The following MADCAM1 variants were observed in gnomAD, a reference collection of about 807,000 sequenced individuals.
MADCAM1 encodes the protein mucosal addressin cell adhesion molecule 1.
MADCAM1 carries 19 observed loss-of-function variants against 26.1 expected under a neutral mutation model. That is an observed-to-expected ratio of 0.73 (90% CI 0.51 to 1.07). The LOEUF is 1.07. MADCAM1 is among the 50% of genes least tolerant of loss of function. MADCAM1 has a pLI of 0.00. For missense variants in MADCAM1, 514 were observed against 542.1 expected (o/e 0.95, Z 0.51); for synonymous variants, 268 against 260.9 (o/e 1.03, Z -0.26).
At chr19:500,692 AACCCCGTCCCCT>A in intron 3 of MADCAM1, among the ~76,000 whole-genome samples, 1 of 152,256 alleles carries the variant, frequency 6.6e-6, no homozygotes, top group South Asian at 2.1e-4. Context: ...AACATGGTGA[AACCCCGTCCCCT>A]ACTAAAAATA....
At chr19:504,511 G>C (rs1978514379) in intron 4 of MADCAM1, among the ~76,000 whole-genome samples, 2 of 152,132 alleles carry the variant, frequency 1.3e-5, no homozygotes, top group Non-Finnish European at 2.9e-5. Flanking sequence ...ACCCGCTTTG[G>C]CCTCCCGAAG....
At chr19:499,987 TG>T in intron 3 of MADCAM1, 1 of 351,346 alleles carries the variant, frequency 2.8e-6, no homozygotes, top group Non-Finnish European at 5.6e-6. Flanking sequence ...GGGAGGTCTT[TG>T]TGGTGGGGGT....
At position 501,903 on chromosome 19, in the gene MADCAM1, C is replaced by G; in HGVS notation, c.902C>G (p.Thr301Arg). The part of the protein sequence containing the change: ...RRPEISQAGP[T>R]QGEVIPTGSS... ...CCTGAGATCTCCCAGGCTGGGCCCA[C>G]GCAGGGAGAAGTGATCCCAACAGGC... Residue 301 changes from threonine to arginine, a missense_variant, in exon 4 of 5, where the codon ACG becomes AGG. This residue lies in a region of MADCAM1 where 152 missense variants were observed against 136.7 expected (regional missense o/e 1.11). Coordinates refer to ENST00000215637, the MANE Select transcript of MADCAM1 (RefSeq NM_130760.3). The G allele has an allele frequency of 2.6e-6, 4 of 1,543,220 alleles. No homozygotes were observed. Among genetic ancestry groups the G allele is most frequent in the South Asian group, 1.2e-5 (1 of 81,630 alleles).
intron 3 of MADCAM1, among the ~76,000 whole-genome samples, chr19:500,868 TCAA>T (rs763101833): frequency 5.3e-4 from 80 of 151,516 alleles, no homozygotes; most frequent in Non-Finnish European, 9.7e-4. Flanking sequence ...AGACTCCATC[TCAA>T]CAACAACAAC....
chr19:498,440 C>A, intron 2 of MADCAM1, 56 bp from the exon 3 acceptor site: 1 of 1,415,622 alleles, frequency 7.1e-7, no homozygotes, highest in Non-Finnish European at 9.2e-7. Flanking sequence ...CCGGCCCCTC[C>A]ATCACGTCCA....
At chr19:496,973 C>T (rs1432956536) in intron 1 of MADCAM1, among the ~76,000 whole-genome samples, 20 of 7,078 alleles carry the variant, frequency 2.8e-3, no homozygotes, top group African/African-American at 0.013. Flanking sequence ...GGGGAGGGGA[C>T]GCGGGAGAGA....
Position 501,909 on chromosome 19 carries a change from G to A in MADCAM1, c.908G>A (p.Gly303Glu), listed in dbSNP as rs377336483. The change falls in exon 4 of 5, where the codon GGA becomes GAA. Residue 303 changes from glycine to glutamate, a missense_variant. By Grantham distance (98) the Gly-to-Glu change is moderately conservative. This residue lies in a region of MADCAM1 where 152 missense variants were observed against 136.7 expected (regional missense o/e 1.11). Coordinates refer to ENST00000215637, the MANE Select transcript of MADCAM1 (RefSeq NM_130760.3). ...PEISQAGPTQGEVIPTGSSKP... is the reference protein window; with the variant it reads ...PEISQAGPTQEEVIPTGSSKP... ...ATCTCCCAGGCTGGGCCCACGCAGG[G>A]AGAAGTGATCCCAACAGGCTGTGAG... The A allele has an allele frequency of 2.0e-4, 282 of 1,429,470 alleles. 2 individuals carry two copies. The African/African-American group carries it at 3.2e-3, about 16-fold the overall frequency. 88.5% of individuals were successfully genotyped at this position (1,429,470 alleles called of 1,614,324 possible).
At position 504,746 on chromosome 19, in the gene MADCAM1, G is replaced by A. The variant is rs140417103; in HGVS notation, c.930G>A (p.Ser310=). The part of the protein sequence containing the change: ...PTQGEVIPTG[S]SKPAGDQLPA... ...GGGTCTCCTGCACTCTCTCCCCAGC[G>A]TCCAAACCTGCGGGTGACCAGCTGC... The change falls in exon 5 of 5, where the codon TCG becomes TCA. Residue 310 remains serine (S), a splice_region_variant and synonymous_variant. Coordinates refer to ENST00000215637, the MANE Select transcript of MADCAM1 (RefSeq NM_130760.3). 6.5e-4 allele frequency: 1,037 copies of A among 1,602,308 alleles called. 2 individuals carry two copies. The highest frequency in any genetic ancestry group is 1.8e-3 in the South Asian group (166 of 90,728).
intron 1 of MADCAM1, 111 bp from the exon 2 acceptor site, chr19:497,722 G>C (rs930821079): frequency 3.2e-6 from 3 of 930,172 alleles, no homozygotes; most frequent in Non-Finnish European, 4.2e-6. Flanking sequence ...CGGAGGGTCC[G>C]GGAACCGGGC....
intron 3 of MADCAM1, chr19:499,366 A>G (rs1978305850): frequency 2.2e-6 from 1 of 456,390 alleles, no homozygotes. Flanking sequence ...TAAAGGGTCA[A>G]CCCCTGATCC....
intron 4 of MADCAM1, among the ~76,000 whole-genome samples, chr19:503,849 A>G (rs1978481430): frequency 6.6e-6 from 1 of 152,092 alleles, no homozygotes; most frequent in Non-Finnish European, 1.5e-5. Context: ...GGAGTTCGAG[A>G]CCAGCCTGGC....
intron 4 of MADCAM1, among the ~76,000 whole-genome samples, chr19:503,413 C>G (rs1336817056): frequency 2.0e-5 from 3 of 151,116 alleles, no homozygotes; most frequent in Non-Finnish European, 4.4e-5. Context: ...AACCCCGTCT[C>G]CACTAAAAAT....
At chr19:499,080 C>CG (rs1568316921) in intron 3 of MADCAM1, 2 of 684,674 alleles carry the variant, frequency 2.9e-6, no homozygotes, top group Non-Finnish European at 5.3e-6. Context: ...CAAGTCCTCC[C>CG]GGGGGCCCAC....
intron 4 of MADCAM1, among the ~76,000 whole-genome samples, chr19:503,806 T>C (rs1978479437): frequency 6.6e-6 from 1 of 152,058 alleles, no homozygotes; most frequent in African/African-American, 2.4e-5. Context: ...CCTAGCACTT[T>C]GGGAGGCCAA....
At chr19:501,954 G>T in intron 4 of MADCAM1, 25 bp downstream of exon 4, 1 of 1,454,124 alleles carries the variant, frequency 6.9e-7, no homozygotes, top group South Asian at 1.4e-5. Context: ...CTGGGGGCAG[G>T]GAGGGTGGGA....
Position 498,564 on chromosome 19 carries a change from G to T in MADCAM1, c.406G>T (p.Ala136Ser). ...TGGTGACCCGGAGGTGGCCTGTACG[G>T]CCCACAAAGTCACGCCCGTGGACCC... ...VPGDPEVACT[A>S]HKVTPVDPNA... The change falls in exon 3 of 5, where the codon GCC becomes TCC. Residue 136 changes from alanine (A) to serine (S), a missense_variant. Transcript: ENST00000215637. 6.8e-7 allele frequency: 1 copy of T among 1,481,098 alleles called. No homozygotes were observed. Among genetic ancestry groups the T allele is most frequent in the Non-Finnish European group, 8.9e-7 (1 of 1,120,326 alleles). The allele number at this position is 1,481,098 out of a possible 1,614,324, so 91.7% of individuals were successfully genotyped here.
At position 501,600 on chromosome 19, in the gene MADCAM1, G is replaced by A. The variant is rs568764183; in HGVS notation, c.668-69G>A. On this transcript the variant is annotated intron_variant, in intron 3 of 4. Transcript: ENST00000215637. ...TGGTCCAAGCCCTTCATCCAGATGC[G>A]GAGATTGAGGCAGGAGAGGCAAGCC... 7.4e-5 allele frequency: 112 copies of A among 1,512,536 alleles called. 2 individuals carry two copies. In the South Asian group the frequency reaches 1.1e-3, roughly 14 times the overall value. 93.7% of individuals were successfully genotyped at this position (1,512,536 alleles called of 1,614,324 possible).
In MADCAM1 at chr19:503,449, C is replaced by T. The variant is rs377388672; in HGVS notation, c.929-1296C>T. Among the ~76,000 whole-genome samples the T allele has an allele frequency of 9.5e-3, 1,428 of 150,722 alleles. 92 individuals are homozygous for T. The East Asian group carries it at 0.17, about 18-fold the overall frequency. On this transcript the variant is annotated intron_variant, in intron 4 of 4. Coordinates refer to ENST00000215637, the MANE Select transcript of MADCAM1 (RefSeq NM_130760.3). ...ACAAAAAATTAGCCGGGCGTGGCAG[C>T]GGGCGCCTGTAGTCCCAGCTACTCG...
rs1270034691 is a variant in MADCAM1 at position 504,255 on chromosome 19, C to CAT, written c.929-490_929-489insAT. On this transcript the variant is annotated intron_variant, in intron 4 of 4. Coordinates refer to ENST00000215637, the MANE Select transcript of MADCAM1 (RefSeq NM_130760.3). ...TGAGCCGTCCTCTCTCCGGTCTGCC[C>CAT]TTTTTTTTTTTTTTTTTTTTTTTTG... is the stretch of plus-strand genomic sequence containing the variant. 7.9e-4 allele frequency among the ~76,000 whole-genome samples: 70 copies of CAT among 88,146 alleles called. 4 individuals are homozygous for CAT. The highest frequency in any genetic ancestry group is 1.3e-3 in the African/African-American group (32 of 23,836). 57.8% of individuals were successfully genotyped at this position (88,146 alleles called of 152,430 possible).
Sources: allele counts gnomAD v4.1 joint callset (sites outside exome capture counted in the v4.1 genomes callset), GRCh38; gene constraint gnomAD v4.1.1; regional missense constraint gnomAD v4.1.1; transcripts MANE v1.5; gene names NCBI Gene and HGNC (gene_info 2026-07-23, HGNC 2026-07-21).